The following CC2D1A variants were observed in gnomAD, a reference collection of about 807,000 sequenced individuals.
CC2D1A encodes coiled-coil and C2 domain containing 1A.
CC2D1A carries 68 observed loss-of-function variants against 123.8 expected under a neutral mutation model. That is an observed-to-expected ratio of 0.55 (90% CI 0.45 to 0.67). CC2D1A has a LOEUF of 0.67. Ranked by LOEUF, CC2D1A falls within the 30% of genes least tolerant of loss-of-function variation. CC2D1A has a pLI of 0.00. For missense variants in CC2D1A, 1,185 were observed against 1,290.3 expected, an observed-to-expected ratio of 0.92 and a Z score of 1.25; for synonymous variants, 477 against 528.0, an observed-to-expected ratio of 0.90 and a Z score of 1.32.
At chr19:13,929,317 T>C in intron 24 of CC2D1A, 62 bp from the exon 25 acceptor site, 2 of 1,565,158 alleles carry the variant, frequency 1.3e-6, no homozygotes, top group Non-Finnish European at 1.8e-6. Flanking sequence ...GTGTGTCTTT[T>C]GAATTAACAG....
intron 14 of CC2D1A, among the ~76,000 whole-genome samples, chr19:13,921,930 C>T (rs1173805940): frequency 6.6e-6 from 1 of 152,182 alleles, no homozygotes; most frequent in African/African-American, 2.4e-5. Context: ...AATACAGCAC[C>T]TTATCACGGC....
Position 13,919,208 on chromosome 19 carries a change from C to G in CC2D1A, c.1222+6C>G. On this transcript the variant is annotated splice_donor_region_variant and intron_variant, in intron 11 of 28. Transcript: ENST00000318003. Reference sequence around the variant, plus strand: ...TGAATTGCCCGTGCCCCCAGGTAGGCCTTGCCCCTGTAGGCCTCGCCCCAG... The same window carrying G: ...TGAATTGCCCGTGCCCCCAGGTAGGGCTTGCCCCTGTAGGCCTCGCCCCAG... 1 of 1,609,304 alleles carries G rather than the reference C, an allele frequency of 6.2e-7. No homozygotes were observed.
chr19:13,926,160 C>A (rs2145364842), intron 17 of CC2D1A, among the ~76,000 whole-genome samples: 1 of 150,322 alleles, frequency 6.7e-6, no homozygotes. Context: ...GCTCAAGAAA[C>A]ATTGGGAAAT....
At chr19:13,910,407 C>CA (rs766322114) in intron 2 of CC2D1A, among the ~76,000 whole-genome samples, 1,475 of 39,722 alleles carry the variant, frequency 0.037, 56 homozygotes, top group African/African-American at 0.083. Flanking sequence ...GACTCCGTCT[C>CA]AAAAAAAAAA....
At position 13,906,547 on chromosome 19, in the gene CC2D1A, C is replaced by A. The variant is rs1344882055; in HGVS notation, c.60+46C>A. The A allele has an allele frequency of 1.9e-5, 25 of 1,337,602 alleles. No individual in the cohort carries two copies. The highest frequency in any genetic ancestry group is 2.9e-5 in the Admixed American group (1 of 33,960). 82.9% of individuals were successfully genotyped at this position (1,337,602 alleles called of 1,614,324 possible). ...CCGACCTGGGGATCCCTCCCCACCC[C>A]CGTCACTCGCTCAGGGAAGGGCCCC... On this transcript the variant is annotated intron_variant, in intron 1 of 28. Transcript: ENST00000318003. The surrounding 1 kb of genome is among the most constrained non-coding windows in gnomAD (Gnocchi z 4.1).
intron 2 of CC2D1A, among the ~76,000 whole-genome samples, chr19:13,911,544 T>TG (rs1399152684): frequency 7.2e-6 from 1 of 138,484 alleles, no homozygotes; most frequent in Non-Finnish European, 1.5e-5. Flanking sequence ...TGTGTGTGTG[T>TG]GTTTTTTTTT....
chr19:13,918,501 C>CA lies in CC2D1A; in HGVS notation c.874-2dup. 1 of 1,613,474 alleles carries CA rather than the reference C, an allele frequency of 6.2e-7. No homozygotes were observed. Among genetic ancestry groups the CA allele is most frequent in the African/African-American group, 1.3e-5 (1 of 75,036 alleles). ...TCTTCTAATCTCCTCTTCCTTCTCC[C>CA]AGAGCTTTGATGCTGTCTTGGAGGC... On this transcript the variant is annotated splice_region_variant and splice_polypyrimidine_tract_variant and intron_variant, in intron 7 of 28. Transcript: ENST00000318003.
intron 6 of CC2D1A, among the ~76,000 whole-genome samples, chr19:13,915,026 ACTAAATCCTT>A (rs1971155932): frequency 6.6e-6 from 1 of 152,258 alleles, no homozygotes; most frequent in African/African-American, 2.4e-5. Context: ...ACACTGGGTC[ACTAAATCCTT>A]CTGCAACCAA....
In CC2D1A at chr19:13,918,192, A is replaced by G. The variant is rs774927517; in HGVS notation, c.871A>G (p.Lys291Glu). The change falls in exon 7 of 29, where the codon AAG becomes GAG. Residue 291 changes from lysine to glutamate, a missense_variant and splice_region_variant. By Grantham distance (56) the Lys-to-Glu change is moderately conservative. Coordinates refer to ENST00000318003, the MANE Select transcript of CC2D1A (RefSeq NM_017721.5). The stretch of plus-strand genomic sequence containing the variant: ...TGCCGCTAGACACTTCCGCGTGGCT[A>G]AGGTGCGTCCAGCCTGACGGACAGG... Reference protein sequence around the residue: ...TAAARHFRVAKSFDAVLEALS... With the variant: ...TAAARHFRVAESFDAVLEALS... The G allele has an allele frequency of 6.3e-7, 1 of 1,583,662 alleles. No homozygotes were observed. The highest frequency in any genetic ancestry group is 1.1e-5 in the South Asian group (1 of 88,320).
chr19:13,919,071 G>C (rs759001406), intron 10 of CC2D1A, 29 bp downstream of exon 10: 2 of 1,602,414 alleles, frequency 1.2e-6, no homozygotes, highest in Admixed American at 3.4e-5. Context: ...GGGAGGTGGG[G>C]CGAGTGGGCA....
Position 13,926,720 on chromosome 19 carries a change from A to C in CC2D1A, c.2068A>C (p.Asn690His). 1 of 1,613,992 alleles carries C rather than the reference A, an allele frequency of 6.2e-7. No individual in the cohort carries two copies. The highest frequency in any genetic ancestry group is 2.2e-5 in the East Asian group (1 of 44,866). ...VFVRFDFPYP[N>H]VEEAQKDKTS... Reference sequence around the variant, plus strand: ...TGTTCGGTTTGACTTCCCCTATCCCAACGTGGTACGTGGGGAGCTGAGGAG... The same window carrying C: ...TGTTCGGTTTGACTTCCCCTATCCCCACGTGGTACGTGGGGAGCTGAGGAG... Residue 690 changes from asparagine (N) to histidine (H), a missense_variant, in exon 19 of 29, where the codon AAC becomes CAC. Transcript: ENST00000318003.
intron 14 of CC2D1A, among the ~76,000 whole-genome samples, chr19:13,922,097 G>T (rs1334592035): frequency 6.6e-6 from 1 of 152,146 alleles, no homozygotes; most frequent in Non-Finnish European, 1.5e-5. Flanking sequence ...TACCTCCCAG[G>T]CTCAAGCGAT....
chr19:13,929,488 C>T, intron 25 of CC2D1A, 46 bp downstream of exon 25: 1 of 1,612,760 alleles, frequency 6.2e-7, no homozygotes, highest in South Asian at 1.1e-5. Flanking sequence ...ACTGGGGAGT[C>T]TGCAGGCCCA....
chr19:13,913,869 C>T (rs1244459849), intron 6 of CC2D1A, among the ~76,000 whole-genome samples: 1 of 152,072 alleles, frequency 6.6e-6, no homozygotes, highest in East Asian at 1.9e-4. Context: ...ATCACATTTG[C>T]CATTAAAAAT....
chr19:13,918,689 G>A, intron 8 of CC2D1A, 57 bp from the exon 9 acceptor site: 1 of 1,587,862 alleles, frequency 6.3e-7, no homozygotes, highest in Non-Finnish European at 8.6e-7. Flanking sequence ...GGCCAGACCA[G>A]CTTGTCGGGG....
chr19:13,920,082 T>A, intron 12 of CC2D1A, 131 bp downstream of exon 12: 1 of 958,006 alleles, frequency 1.0e-6, no homozygotes, highest in Non-Finnish European at 1.5e-6. Flanking sequence ...CCCCCGTCTC[T>A]ACAAAAAAAT....
chr19:13,927,825 T>A, intron 22 of CC2D1A, 68 bp from the exon 23 acceptor site: 1 of 1,490,524 alleles, frequency 6.7e-7, no homozygotes, highest in Non-Finnish European at 9.2e-7. Context: ...TTGTTCTCCC[T>A]TGTCCTGGCC....
Position 13,923,853 on chromosome 19 carries a change from C to A in CC2D1A, c.1940+42C>A. 6.8e-7 allele frequency: 1 copy of A among 1,476,024 alleles called. No homozygotes were observed. The highest frequency in any genetic ancestry group is 9.5e-7 in the Non-Finnish European group (1 of 1,055,692). 91.4% of individuals were successfully genotyped at this position (1,476,024 alleles called of 1,614,324 possible). ...ACGCCCCACCACGTGGCCCCAGTGG[C>A]CCTTTGGTGGCGGTGGGGCGGGTTG... On this transcript the variant is annotated intron_variant, in intron 17 of 28. Coordinates refer to ENST00000318003, the MANE Select transcript of CC2D1A (RefSeq NM_017721.5). This position sits in a 1 kb window ranked among gnomAD's most constrained non-coding sequence, Gnocchi z 5.3.
At chr19:13,924,991 C>G (rs886070883) in intron 17 of CC2D1A, among the ~76,000 whole-genome samples, 1 of 152,116 alleles carries the variant, frequency 6.6e-6, no homozygotes, top group Non-Finnish European at 1.5e-5. Context: ...GCCTCTGCAT[C>G]AGCTATTTCT....
Sources: allele counts gnomAD v4.1 joint callset (sites outside exome capture counted in the v4.1 genomes callset), GRCh38; gene constraint gnomAD v4.1.1; non-coding constraint Gnocchi (gnomAD v3.1); transcripts MANE v1.5; gene names NCBI Gene and HGNC (gene_info 2026-07-23, HGNC 2026-07-21).